CLPB: variants seen among roughly 807,000 people sequenced by gnomAD.
CLPB encodes ClpB family mitochondrial disaggregase.
In CLPB, 40 loss-of-function variants were observed where a neutral mutation model predicts 78.4. The observed-to-expected ratio is 0.51, with a 90% CI of 0.40 to 0.66. The LOEUF is 0.66. Among genes scored for constraint, CLPB ranks in the 30% least tolerant of loss-of-function variants. The pLI is 0.00. For missense variants in CLPB, 780 were observed against 886.9 expected (o/e 0.88, Z 1.53); for synonymous variants, 333 against 348.0 (o/e 0.96, Z 0.48).
chr11:72,347,456 C>T (rs1950536930), intron 5 of CLPB, among the ~76,000 whole-genome samples: 1 of 152,100 alleles, frequency 6.6e-6, no homozygotes, highest in Non-Finnish European at 1.5e-5. Flanking sequence ...GACTCTATCT[C>T]AAAAACCAAA....
intron 3 of CLPB, among the ~76,000 whole-genome samples, chr11:72,392,635 T>A (rs541668578): frequency 7.2e-5 from 11 of 152,218 alleles, no homozygotes; most frequent in African/African-American, 2.4e-4. Flanking sequence ...TCAATAATCA[T>A]AATAAAGCAG....
intron 11 of CLPB, among the ~76,000 whole-genome samples, chr11:72,301,425 C>T (rs1480565698): frequency 1.3e-5 from 2 of 152,196 alleles, no homozygotes; most frequent in Non-Finnish European, 2.9e-5. Flanking sequence ...TCAGCCTCCT[C>T]GTTTGTCACA....
intron 5 of CLPB, among the ~76,000 whole-genome samples, chr11:72,355,567 C>T (rs1308609577): frequency 1.3e-5 from 2 of 152,124 alleles, no homozygotes; most frequent in South Asian, 2.1e-4. Flanking sequence ...TTTAGATGTA[C>T]GAAAACTGAG....
chr11:72,410,482 A>C (rs1227960812), intron 2 of CLPB, among the ~76,000 whole-genome samples: 1 of 152,220 alleles, frequency 6.6e-6, no homozygotes, highest in African/African-American at 2.4e-5. Context: ...GGATGCAATA[A>C]AGCACTGTAC....
At position 72,395,695 on chromosome 11, in the gene CLPB, A is replaced by G. The variant is rs147270039; in HGVS notation, c.542+7271T>C. Among the ~76,000 whole-genome samples the G allele has an allele frequency of 6.4e-3, 973 of 152,316 alleles. 5 individuals carry two copies. Among genetic ancestry groups the G allele is most frequent in the African/African-American group, 8.7e-3 (363 of 41,560 alleles). On this transcript the variant is annotated intron_variant, in intron 3 of 15. Transcript: ENST00000538039. ...AAGGTAGCCCTACTCTACAGCACGA[A>G]GCCAGACCAAGAATAGGTTAGAAGA... is the stretch of plus-strand genomic sequence containing the variant.
intron 1 of CLPB, chr11:72,430,585 T>G: frequency 3.7e-6 from 2 of 547,150 alleles, no homozygotes; most frequent in Non-Finnish European, 3.3e-6. Flanking sequence ...GCCCAAACTC[T>G]TCACTCCTCT....
intron 4 of CLPB, among the ~76,000 whole-genome samples, chr11:72,364,512 A>T (rs2135632646): frequency 6.6e-6 from 1 of 150,914 alleles, no homozygotes; most frequent in Non-Finnish European, 1.5e-5. Flanking sequence ...CGGCCAAAAA[A>T]TTTTTTTTTA....
intron 3 of CLPB, among the ~76,000 whole-genome samples, chr11:72,380,717 T>C (rs1006607190): frequency 1.3e-5 from 2 of 152,182 alleles, no homozygotes; most frequent in Non-Finnish European, 2.9e-5. Context: ...GCTGAGAAGC[T>C]TGGGACAAGT....
rs1555083616 is a variant in CLPB, at chr11:72,286,223, G to GTTTTTTTTTTTGTTTTTTTT, written c.*7143_*7144insAAAAAAAACAAAAAAAAAAA. ...ATTACAGGTGTGAGATACTGCACCT[G>GTTTTTTTTTTTGTTTTTTTT]TTTTTTTTTTTTTTTTTTTTTTTAA... On this transcript the variant is annotated 3_prime_UTR_variant, in exon 16 of 16. Transcript: ENST00000538039. 1 of 60,450 alleles carries GTTTTTTTTTTTGTTTTTTTT rather than the reference G, an allele frequency of 1.7e-5. No homozygotes were observed. The allele number at this position is 60,450 out of a possible 1,614,324, so 3.7% of individuals were successfully genotyped here. A position where few individuals can be genotyped will look rare whatever the true frequency, so the allele number is the denominator to read the frequency against.
intron 7 of CLPB, 148 bp downstream of exon 7, chr11:72,316,958 G>C (rs1949953814): frequency 1.9e-6 from 1 of 515,612 alleles, no homozygotes; most frequent in Non-Finnish European, 3.4e-6. Context: ...ATGACATGCA[G>C]AGAGCTTATA....
At chr11:72,299,108 C>T (rs181611780) in intron 11 of CLPB, among the ~76,000 whole-genome samples, 3 of 152,210 alleles carry the variant, frequency 2.0e-5, no homozygotes, top group Non-Finnish European at 2.9e-5. Flanking sequence ...CTTCAATCTG[C>T]GGCTTCCCAC....
At chr11:72,350,226 T>C (rs927079757) in intron 5 of CLPB, among the ~76,000 whole-genome samples, 2 of 152,140 alleles carry the variant, frequency 1.3e-5, no homozygotes, top group Non-Finnish European at 2.9e-5. Context: ...CCACATGGGC[T>C]GCAGATACAA....
In CLPB at chr11:72,291,993, A is replaced by G. The variant is rs1949458697; in HGVS notation, c.*1374T>C. 1 of 144,150 alleles carries G rather than the reference A, an allele frequency of 6.9e-6. No homozygotes were observed. The highest frequency in any genetic ancestry group is 1.5e-5 in the Non-Finnish European group (1 of 66,850). 8.9% of individuals were successfully genotyped at this position (144,150 alleles called of 1,614,324 possible). Reference sequence around the variant, plus strand: ...GGGAGGCAGGGCTTGCAGTGAGCCGAGATCGCGCCACTGCACTCCAGCTTG... The same window carrying G: ...GGGAGGCAGGGCTTGCAGTGAGCCGGGATCGCGCCACTGCACTCCAGCTTG... On this transcript the variant is annotated 3_prime_UTR_variant, in exon 16 of 16. Coordinates refer to ENST00000538039, the MANE Select transcript of CLPB (RefSeq NM_001258392.3).
At position 72,387,120 on chromosome 11, in the gene CLPB, T is replaced by C. The variant is rs950382652; in HGVS notation, c.543-6736A>G. Reference sequence around the variant, plus strand: ...GTAATGTATTATAACCCATTAATTATATATAATTATAACCCACTGAGTAAA... The same window carrying C: ...GTAATGTATTATAACCCATTAATTACATATAATTATAACCCACTGAGTAAA... On this transcript the variant is annotated intron_variant, in intron 3 of 15. Coordinates refer to ENST00000538039, the MANE Select transcript of CLPB (RefSeq NM_001258392.3). 3.3e-5 allele frequency among the ~76,000 whole-genome samples: 5 copies of C among 152,210 alleles called. No homozygotes were observed. In the South Asian group the frequency reaches 6.2e-4, roughly 19 times the overall value.
At chr11:72,405,248 G>A (rs1248672233) in intron 2 of CLPB, among the ~76,000 whole-genome samples, 1 of 152,192 alleles carries the variant, frequency 6.6e-6, no homozygotes, top group Non-Finnish European at 1.5e-5. Flanking sequence ...AGATCATTAG[G>A]CAGCTCCATC....
At chr11:72,334,873 T>C (rs1288101191) in intron 5 of CLPB, among the ~76,000 whole-genome samples, 1 of 152,256 alleles carries the variant, frequency 6.6e-6, no homozygotes, top group Non-Finnish European at 1.5e-5. Flanking sequence ...TCCAGATTAG[T>C]GTGTCCCAGC....
chr11:72,414,707 C>A (rs755873409), intron 2 of CLPB, among the ~76,000 whole-genome samples: 2 of 152,154 alleles, frequency 1.3e-5, no homozygotes, highest in African/African-American at 2.4e-5. Flanking sequence ...ATGAAACAAG[C>A]GCACAAATAA....
intron 9 of CLPB, 108 bp from the exon 10 acceptor site, chr11:72,302,456 A>C: frequency 2.2e-6 from 2 of 902,946 alleles, no homozygotes; most frequent in Non-Finnish European, 3.7e-6. Flanking sequence ...CACCACACCA[A>C]CATAAGATCT....
chr11:72,354,137 C>T (rs1008576777), intron 5 of CLPB: 3 of 354,126 alleles, frequency 8.5e-6, no homozygotes, highest in Non-Finnish European at 1.5e-5. Flanking sequence ...TATTAAATGG[C>T]AGGGCTGGTA....
Sources: gnomAD v4.1 joint callset for allele counts (sites outside exome capture counted in the v4.1 genomes callset) on GRCh38, gnomAD v4.1.1 for gene constraint, MANE v1.5 for transcripts, NCBI Gene and HGNC (gene_info 2026-07-23, HGNC 2026-07-21) for gene names.